The following DISC1 variants were observed in gnomAD, a reference collection of about 807,000 sequenced individuals.
DISC1 encodes the protein DISC1 scaffold protein, also known as disrupted in schizophrenia 1 protein.
A neutral mutation model predicts 84.5 loss-of-function variants in DISC1; 57 were observed. That is an observed-to-expected ratio of 0.67 (90% confidence interval 0.55 to 0.84). The LOEUF (loss-of-function observed/expected upper bound fraction) is 0.84, where lower values mean the gene tolerates loss of function less well. DISC1 is among the 40% of genes least tolerant of loss of function. DISC1 has a pLI of 0.00. For missense variants in DISC1, 1,000 were observed against 1,057.8 expected, an observed-to-expected ratio of 0.95 and a Z score of 0.76; for synonymous variants, 411 against 415.2, an observed-to-expected ratio of 0.99 and a Z score of 0.12.
At chr1:231,923,933 G>T (rs1270665223) in intron 9 of DISC1, among the ~76,000 whole-genome samples, 1 of 152,172 alleles carries the variant, frequency 6.6e-6, no homozygotes, top group East Asian at 1.9e-4. Flanking sequence ...GAGCTTAGGG[G>T]CTATGTGCTC....
intron 1 of DISC1, among the ~76,000 whole-genome samples, chr1:231,680,214 T>C (rs2125543018): frequency 6.6e-6 from 1 of 151,928 alleles, no homozygotes; most frequent in East Asian, 1.9e-4. Context: ...GGTGACAGAG[T>C]GAGACTCTTG....
At chr1:231,736,378 CT>C (rs1384731580) in intron 3 of DISC1, among the ~76,000 whole-genome samples, 1 of 152,188 alleles carries the variant, frequency 6.6e-6, no homozygotes, top group Non-Finnish European at 1.5e-5. Flanking sequence ...CAGACTCTGC[CT>C]TTGCTATTTT....
rs1245193399 is a variant in DISC1, at chr1:231,719,539, A to G, written c.1117+17515A>G. Among the ~76,000 whole-genome samples the G allele has an allele frequency of 2.0e-5, 3 of 152,148 alleles. No individual in the cohort carries two copies. The East Asian group carries it at 5.8e-4, about 29-fold the overall frequency. ...TAAGCTTGGACAAATTATTCTTTCT[A>G]AGCTTTATTTTTTCTATCTATAAAA... is the stretch of plus-strand genomic sequence containing the variant. On this transcript the variant is annotated intron_variant, in intron 3 of 12. Coordinates refer to ENST00000439617, the MANE Select transcript of DISC1 (RefSeq NM_018662.3).
chr1:231,980,669 G>A (rs893365958), intron 10 of DISC1, among the ~76,000 whole-genome samples: 2 of 152,156 alleles, frequency 1.3e-5, no homozygotes, highest in Non-Finnish European at 2.9e-5. Flanking sequence ...TTTCATTGAA[G>A]GGCATTTGGT....
At chr1:231,939,206 GT>G (rs2091158472) in intron 9 of DISC1, among the ~76,000 whole-genome samples, 1 of 152,202 alleles carries the variant, frequency 6.6e-6, no homozygotes, top group Non-Finnish European at 1.5e-5. Context: ...TGGTTTCCAA[GT>G]GTCAGGAACT....
chr1:231,819,925 C>G (rs773489602), intron 9 of DISC1, among the ~76,000 whole-genome samples: 1 of 152,060 alleles, frequency 6.6e-6, no homozygotes, highest in Non-Finnish European at 1.5e-5. Context: ...CCCCTGAAAG[C>G]CATTAATATC....
At chr1:231,754,508 G>A (rs2074932265) in intron 4 of DISC1, among the ~76,000 whole-genome samples, 1 of 152,044 alleles carries the variant, frequency 6.6e-6, no homozygotes, top group South Asian at 2.1e-4. Flanking sequence ...GAACACCAGG[G>A]GATGGTGTTA....
At chr1:232,000,236 G>C (rs1031304056) in intron 10 of DISC1, among the ~76,000 whole-genome samples, 1 of 152,110 alleles carries the variant, frequency 6.6e-6, no homozygotes, top group Non-Finnish European at 1.5e-5. Context: ...ATTAGAAAAG[G>C]TCAGCAAAGA....
intron 3 of DISC1, 198 bp downstream of exon 3, chr1:231,702,222 G>A: frequency 1.5e-6 from 2 of 1,312,048 alleles, no homozygotes; most frequent in East Asian, 6.7e-5. Flanking sequence ...TAATCCTTTG[G>A]GTTATAAATA....
chr1:232,036,103 C>G lies in DISC1; in HGVS notation c.2426-589C>G, dbSNP rs1311050189. ...TTCCTGGGAATATACTAACAGATAA[C>G]AGCAGGTTAGAGCCTGGAGAGGTTT... On this transcript the variant is annotated intron_variant, in intron 12 of 12. Transcript: ENST00000439617. Among the ~76,000 whole-genome samples, 3 of 152,132 alleles carry G rather than the reference C, an allele frequency of 2.0e-5. No individual in the cohort carries two copies. In the East Asian group the frequency reaches 5.8e-4, roughly 29 times the overall value.
intron 9 of DISC1, among the ~76,000 whole-genome samples, chr1:231,941,514 C>T (rs1196581013): frequency 2.6e-5 from 4 of 151,650 alleles, no homozygotes; most frequent in African/African-American, 9.7e-5. Flanking sequence ...TGCTCTGTCA[C>T]CAGGCTGGAG....
chr1:231,975,639 A>G (rs1370321845), intron 10 of DISC1, among the ~76,000 whole-genome samples: 2 of 152,242 alleles, frequency 1.3e-5, no homozygotes, highest in African/African-American at 2.4e-5. Context: ...ACAAATGCAT[A>G]AAAAGAATGA....
chr1:231,843,077 C>A (rs772584743), intron 9 of DISC1, among the ~76,000 whole-genome samples: 4 of 151,978 alleles, frequency 2.6e-5, no homozygotes, highest in African/African-American at 4.8e-5. Context: ...AGAAAACAGA[C>A]AACGGCAGTA....
At chr1:232,029,554 C>T (rs906975573) in intron 12 of DISC1, among the ~76,000 whole-genome samples, 4 of 152,154 alleles carry the variant, frequency 2.6e-5, no homozygotes, top group Non-Finnish European at 5.9e-5. Flanking sequence ...AGCTTGTTGT[C>T]AACAATACAG....
At chr1:231,991,575 C>G (rs984548454) in intron 10 of DISC1, among the ~76,000 whole-genome samples, 3 of 152,074 alleles carry the variant, frequency 2.0e-5, no homozygotes, top group African/African-American at 7.2e-5. Flanking sequence ...AACGGGGGGC[C>G]CCACAAACCA....
At chr1:231,909,507 C>A (rs983955436) in intron 9 of DISC1, among the ~76,000 whole-genome samples, 20 of 152,152 alleles carry the variant, frequency 1.3e-4, no homozygotes, top group African/African-American at 2.4e-5. Context: ...AGCTTTGCAT[C>A]CCAGGGATGA....
At chr1:232,018,290 G>A (rs1343975607) in intron 11 of DISC1, among the ~76,000 whole-genome samples, 1 of 152,080 alleles carries the variant, frequency 6.6e-6, no homozygotes, top group Non-Finnish European at 1.5e-5. Context: ...ATAAGCTCCA[G>A]TTCTAAAATT....
chr1:231,991,398 T>G (rs1412056426), intron 10 of DISC1, among the ~76,000 whole-genome samples: 2 of 152,240 alleles, frequency 1.3e-5, no homozygotes. Flanking sequence ...CGAGGAGTGC[T>G]CTCTCCTTGT....
At chr1:232,006,940 A>G (rs988759953) in intron 10 of DISC1, among the ~76,000 whole-genome samples, 5 of 152,070 alleles carry the variant, frequency 3.3e-5, no homozygotes, top group African/African-American at 7.2e-5. Context: ...TGTCCCACAC[A>G]TGGCTAAAAG....
Sources: allele counts gnomAD v4.1 joint callset (sites outside exome capture counted in the v4.1 genomes callset), GRCh38; gene constraint gnomAD v4.1.1; transcripts MANE v1.5; gene names NCBI Gene and HGNC (gene_info 2026-07-23, HGNC 2026-07-21).